Variants in PSMD12 observed in about 807,000 individuals in gnomAD.
PSMD12 encodes 26S proteasome non-ATPase regulatory subunit 12.
Under a neutral mutation model 62.9 loss-of-function variants are expected in PSMD12, and 8 were observed. That is an observed-to-expected ratio of 0.13 (90% CI 0.07 to 0.23). The LOEUF (loss-of-function observed/expected upper bound fraction) is 0.23. Ranked by LOEUF, PSMD12 falls within the 10% of genes least tolerant of loss-of-function variation. PSMD12 has a pLI of 1.00. For synonymous variants in PSMD12, 173 were observed against 187.4 expected (o/e 0.92, Z 0.63); for missense variants, 424 against 550.2 (o/e 0.77, Z 2.29).
intron 1 of PSMD12, among the ~76,000 whole-genome samples, chr17:67,359,085 T>G (rs1854664478): frequency 6.6e-6 from 1 of 152,166 alleles, no homozygotes; most frequent in African/African-American, 2.4e-5. Context: ...CCAGGCATGG[T>G]GTCTCACGCA....
chr17:67,348,754 T>G, intron 4 of PSMD12, 100 bp from the exon 5 acceptor site: 1 of 994,926 alleles, frequency 1.0e-6, no homozygotes, highest in Non-Finnish European at 1.5e-6. Context: ...TCCTGACATT[T>G]TGGAAGGCTG....
At chr17:67,347,973 A>C (rs2041983537) in intron 5 of PSMD12, among the ~76,000 whole-genome samples, 1 of 152,190 alleles carries the variant, frequency 6.6e-6, no homozygotes, top group Non-Finnish European at 1.5e-5. Context: ...ATTTACTTTT[A>C]TTGCTTAGTA....
intron 1 of PSMD12, among the ~76,000 whole-genome samples, chr17:67,362,584 C>T (rs2042141797): frequency 6.6e-6 from 1 of 151,620 alleles, no homozygotes; most frequent in African/African-American, 2.4e-5. Flanking sequence ...ATTCCTTGAA[C>T]CCGGGAGATG....
At chr17:67,345,186 G>A (rs1362660742) in intron 8 of PSMD12, among the ~76,000 whole-genome samples, 2 of 152,150 alleles carry the variant, frequency 1.3e-5, no homozygotes, top group Non-Finnish European at 2.9e-5. Context: ...TTAATCAAAA[G>A]CTGCAAATGT....
intron 3 of PSMD12, among the ~76,000 whole-genome samples, chr17:67,351,511 T>C (rs2042017742): frequency 6.6e-6 from 1 of 151,616 alleles, no homozygotes; most frequent in Non-Finnish European, 1.5e-5. Flanking sequence ...GAATAGAATA[T>C]CTTAGAAAGA....
In PSMD12 at chr17:67,340,235, T is replaced by C. The variant is rs938030889; in HGVS notation, c.*608A>G. Reference sequence around the variant, plus strand: ...GCTGAAAGCAATCAAGCTACTGTGATTGGAACCAGCCGGACTCAAAAAAAA... The same window carrying C: ...GCTGAAAGCAATCAAGCTACTGTGACTGGAACCAGCCGGACTCAAAAAAAA... On this transcript the variant is annotated 3_prime_UTR_variant, in exon 11 of 11. Coordinates refer to ENST00000356126, the MANE Select transcript of PSMD12 (RefSeq NM_002816.5). 2.1e-5 allele frequency: 3 copies of C among 144,590 alleles called. No homozygotes were observed. Among genetic ancestry groups the C allele is most frequent in the South Asian group, 2.2e-4 (1 of 4,502 alleles). The allele number at this position is 144,590 out of a possible 1,614,324, so 9.0% of individuals were successfully genotyped here. A position where few individuals can be genotyped will look rare whatever the true frequency, so the allele number is the denominator to read the frequency against.
intron 1 of PSMD12, among the ~76,000 whole-genome samples, chr17:67,359,797 T>C (rs541210520): frequency 5.3e-4 from 81 of 152,220 alleles, no homozygotes; most frequent in Non-Finnish European, 1.0e-3. Context: ...TATAGATTTA[T>C]ATATATAATA....
At chr17:67,355,155 C>T (rs1376853331) in intron 3 of PSMD12, among the ~76,000 whole-genome samples, 3 of 145,530 alleles carry the variant, frequency 2.1e-5, no homozygotes, top group Non-Finnish European at 4.5e-5. Flanking sequence ...AGCAATGGCA[C>T]AATCTCGGCT....
Position 67,339,902 on chromosome 17 carries a change from T to C in PSMD12, c.*941A>G, listed in dbSNP as rs1172517191. 6.6e-6 allele frequency: 1 copy of C among 151,948 alleles called. No individual in the cohort carries two copies. The highest frequency in any genetic ancestry group is 1.5e-5 in the Non-Finnish European group (1 of 67,988). The allele number at this position is 151,948 out of a possible 1,614,324, so 9.4% of individuals were successfully genotyped here. A position where few individuals can be genotyped will look rare whatever the true frequency, so the allele number is the denominator to read the frequency against. On this transcript the variant is annotated 3_prime_UTR_variant, in exon 11 of 11. Coordinates refer to ENST00000356126, the MANE Select transcript of PSMD12 (RefSeq NM_002816.5). ...TGGCCTGACGTCTTTTTGCCATTTT[T>C]TTAAAGCATTAAAAAAAATTAGGTT...
chr17:67,348,197 C>A (rs1598561119), intron 5 of PSMD12, among the ~76,000 whole-genome samples: 1 of 152,128 alleles, frequency 6.6e-6, no homozygotes, highest in South Asian at 2.1e-4. Flanking sequence ...TAAGAAACTG[C>A]CAAACTGTTT....
chr17:67,350,444 CTA>C (rs2042006945), intron 3 of PSMD12, 108 bp from the exon 4 acceptor site: 1 of 657,184 alleles, frequency 1.5e-6, no homozygotes, highest in Non-Finnish European at 2.4e-6. Context: ...CCAAGTAACT[CTA>C]GACACCAAAA....
chr17:67,358,271 A>G (rs1233854734), intron 1 of PSMD12, among the ~76,000 whole-genome samples: 3 of 152,130 alleles, frequency 2.0e-5, no homozygotes, highest in Non-Finnish European at 4.4e-5. Flanking sequence ...TGTGTCTTTA[A>G]AGAATAAAAA....
intron 3 of PSMD12, among the ~76,000 whole-genome samples, chr17:67,351,273 T>C (rs1390867723): frequency 6.6e-6 from 1 of 151,956 alleles, no homozygotes; most frequent in African/African-American, 2.4e-5. Flanking sequence ...ATGCCTGTAG[T>C]TCCAGCTACT....
rs1266642947 is a variant in PSMD12 at position 67,342,241 on chromosome 17, T to C, written c.1106A>G (p.Tyr369Cys). 5 of 1,583,516 alleles carry C rather than the reference T, an allele frequency of 3.2e-6. No individual in the cohort carries two copies. The highest frequency in any genetic ancestry group is 1.7e-5 in the Admixed American group (1 of 59,814). ...CCTTTTCATTGTTATCCGAGTATAA[T>C]ACTTGGCCATTATTCTAATATTCTG... is the stretch of plus-strand genomic sequence containing the variant. ...VEHNIRIMAKYYTRITMKRMA... is the reference protein window; with the variant it reads ...VEHNIRIMAKCYTRITMKRMA... Residue 369 changes from tyrosine to cysteine, a missense_variant, in exon 10 of 11, where the codon TAT becomes TGT. Transcript: ENST00000356126.
chr17:67,345,662 G>T, intron 8 of PSMD12, 83 bp downstream of exon 8: 1 of 1,101,672 alleles, frequency 9.1e-7, no homozygotes, highest in East Asian at 2.5e-5. Flanking sequence ...AGTATACACA[G>T]AAGTATACAC....
intron 4 of PSMD12, among the ~76,000 whole-genome samples, chr17:67,349,620 T>A (rs191854958): frequency 1.3e-5 from 2 of 152,378 alleles, no homozygotes; most frequent in African/African-American, 2.4e-5. Context: ...CTTCAATTAA[T>A]ACTCTAATTC....
intron 3 of PSMD12, among the ~76,000 whole-genome samples, chr17:67,356,268 TG>T (rs911413623): frequency 2.0e-5 from 3 of 151,992 alleles, no homozygotes; most frequent in Non-Finnish European, 4.4e-5. Flanking sequence ...CTCAAAAAGC[TG>T]TTTTGCAAAA....
rs201190308 is a variant in PSMD12, at chr17:67,342,204, A to T, written c.1143T>A (p.Leu381=). 5.1e-6 allele frequency: 8 copies of T among 1,581,962 alleles called. No individual in the cohort carries two copies. In the East Asian group the frequency reaches 1.6e-4, roughly 31 times the overall value. Residue 381 remains leucine (L), a synonymous_variant, in exon 10 of 11, where the codon CTT becomes CTA. Coordinates refer to ENST00000356126, the MANE Select transcript of PSMD12 (RefSeq NM_002816.5). The part of the protein sequence containing the change: ...TRITMKRMAQ[L]LDLSVDESEA... ...TACTTACATCAACAGATAGATCCAG[A>T]AGCTGTGCCATCCTTTTCATTGTTA...
chr17:67,366,542 G>A lies in PSMD12; in HGVS notation c.-23C>T, dbSNP rs1286978473. On this transcript the variant is annotated 5_prime_UTR_variant, in exon 1 of 11. Coordinates refer to ENST00000356126, the MANE Select transcript of PSMD12 (RefSeq NM_002816.5). The stretch of plus-strand genomic sequence containing the variant: ...CATGGTCCCCGCCTGAGCGTCCCTT[G>A]CTGTCCCCCTGCTTCGGCCACCACT... 2 of 1,585,354 alleles carry A rather than the reference G, an allele frequency of 1.3e-6. No individual in the cohort carries two copies. Among genetic ancestry groups the A allele is most frequent in the Non-Finnish European group, 1.7e-6 (2 of 1,167,014 alleles).
Sources: gnomAD v4.1 joint callset for allele counts (sites outside exome capture counted in the v4.1 genomes callset) on GRCh38, gnomAD v4.1.1 for gene constraint, MANE v1.5 for transcripts, NCBI Gene and HGNC (gene_info 2026-07-23, HGNC 2026-07-21) for gene names.